LRMDA: variants seen among roughly 807,000 people sequenced by gnomAD.
LRMDA encodes the protein leucine rich melanocyte differentiation associated, also known as leucine-rich melanocyte differentiation-associated protein.
Under a neutral mutation model 29.8 loss-of-function variants are expected in LRMDA, and 18 were observed. The ratio of observed to expected loss-of-function variants is 0.60; its 90% CI spans 0.42 to 0.90. The LOEUF is 0.90. Among genes scored for constraint, LRMDA ranks in the 40% least tolerant of loss-of-function variants. The pLI, the probability that LRMDA is intolerant of heterozygous loss-of-function variation, is 0.00. For synonymous variants in LRMDA, 125 were observed against 109.4 expected (o/e 1.14, Z -0.89); for missense variants, 273 against 273.9 (o/e 1.00, Z 0.02).
At chr10:75,638,455 A>T (rs1209657877) in intron 2 of LRMDA, among the ~76,000 whole-genome samples, 4 of 152,334 alleles carry the variant, frequency 2.6e-5, no homozygotes, top group Non-Finnish European at 5.9e-5. Context: ...GGGGAAGAGG[A>T]TGTGACACTG....
chr10:76,156,932 G>A (rs966038128), intron 5 of LRMDA, among the ~76,000 whole-genome samples: 18 of 152,310 alleles, frequency 1.2e-4, no homozygotes, highest in African/African-American at 2.2e-4. Context: ...GGCAGAGAAC[G>A]TAATACATTT....
At chr10:76,075,143 G>A (rs967533104) in intron 5 of LRMDA, among the ~76,000 whole-genome samples, 2 of 152,224 alleles carry the variant, frequency 1.3e-5, no homozygotes, top group African/African-American at 4.8e-5. Flanking sequence ...CGGACATTGT[G>A]CACTGACCTG....
chr10:76,419,817 C>T (rs1394735123), intron 6 of LRMDA, among the ~76,000 whole-genome samples: 1 of 151,896 alleles, frequency 6.6e-6, no homozygotes, highest in Non-Finnish European at 1.5e-5. Context: ...TGTATATTTT[C>T]GATAACAGTC....
chr10:76,244,194 A>G (rs1852331163), intron 5 of LRMDA, among the ~76,000 whole-genome samples: 1 of 152,144 alleles, frequency 6.6e-6, no homozygotes, highest in African/African-American at 2.4e-5. Flanking sequence ...CTCATCTGTA[A>G]AAGTTGGGTT....
chr10:75,580,825 TC>T (rs1840579800), intron 2 of LRMDA, among the ~76,000 whole-genome samples: 1 of 152,222 alleles, frequency 6.6e-6, no homozygotes, highest in Non-Finnish European at 1.5e-5. Flanking sequence ...GGGAAAGGAT[TC>T]CCTATTTAAT....
intron 2 of LRMDA, among the ~76,000 whole-genome samples, chr10:75,580,147 T>C (rs948855869): frequency 1.2e-4 from 19 of 152,212 alleles, no homozygotes; most frequent in Non-Finnish European, 1.5e-5. Context: ...TGTTTGCAGA[T>C]GACATGATTG....
chr10:76,052,489 T>G (rs915277271), intron 4 of LRMDA, among the ~76,000 whole-genome samples: 12 of 152,126 alleles, frequency 7.9e-5, no homozygotes, highest in African/African-American at 2.4e-4. Context: ...GGAAAGAACA[T>G]CCTCCTCTCT....
chr10:75,858,846 A>G (rs536473531), intron 2 of LRMDA, among the ~76,000 whole-genome samples: 1 of 152,132 alleles, frequency 6.6e-6, no homozygotes, highest in Non-Finnish European at 1.5e-5. Flanking sequence ...TCTACCCCTA[A>G]TCTCTTCCCC....
intron 2 of LRMDA, among the ~76,000 whole-genome samples, chr10:75,704,470 T>A (rs1415311068): frequency 2.0e-5 from 3 of 152,186 alleles, no homozygotes; most frequent in Non-Finnish European, 1.5e-5. Context: ...ATCTTGGAAA[T>A]GGCATGCTTT....
chr10:76,405,061 G>A (rs760292479), intron 6 of LRMDA, among the ~76,000 whole-genome samples: 8 of 152,082 alleles, frequency 5.3e-5, no homozygotes, highest in Non-Finnish European at 8.8e-5. Context: ...TTATTAGCTC[G>A]GTGAGACCCT....
At chr10:76,447,004 G>T (rs1367060973) in intron 6 of LRMDA, among the ~76,000 whole-genome samples, 1 of 151,836 alleles carries the variant, frequency 6.6e-6, no homozygotes, top group Non-Finnish European at 1.5e-5. Context: ...CTAAATTCTG[G>T]AAATTGTGTT....
At chr10:75,666,468 A>G (rs1213785257) in intron 2 of LRMDA, among the ~76,000 whole-genome samples, 1 of 152,084 alleles carries the variant, frequency 6.6e-6, no homozygotes, top group Non-Finnish European at 1.5e-5. Flanking sequence ...GAATTGCAGT[A>G]TGTTTATATG....
At chr10:76,107,221 G>T (rs943256094) in intron 5 of LRMDA, among the ~76,000 whole-genome samples, 3 of 152,172 alleles carry the variant, frequency 2.0e-5, no homozygotes, top group African/African-American at 7.2e-5. Flanking sequence ...TGGAGCAGTG[G>T]TTCTAAAACT....
intron 2 of LRMDA, among the ~76,000 whole-genome samples, chr10:76,000,463 A>G (rs1354161458): frequency 6.6e-6 from 1 of 152,176 alleles, no homozygotes; most frequent in Non-Finnish European, 1.5e-5. Flanking sequence ...ATGATGGAGA[A>G]GTCCCCTGAA....
At chr10:76,253,366 A>G (rs1029592295) in intron 5 of LRMDA, among the ~76,000 whole-genome samples, 2 of 152,134 alleles carry the variant, frequency 1.3e-5, no homozygotes, top group Non-Finnish European at 2.9e-5. Flanking sequence ...TTGCAAAGCA[A>G]TATCATGGGG....
intron 2 of LRMDA, among the ~76,000 whole-genome samples, chr10:75,896,440 A>G (rs1845583657): frequency 6.6e-6 from 1 of 152,064 alleles, no homozygotes; most frequent in African/African-American, 2.4e-5. Flanking sequence ...TTTAATTGTG[A>G]TTTTCTCCTC....
chr10:75,722,659 G>A (rs545380752), intron 2 of LRMDA, among the ~76,000 whole-genome samples: 3 of 152,234 alleles, frequency 2.0e-5, no homozygotes, highest in South Asian at 4.2e-4. Flanking sequence ...AGTATATGGC[G>A]GATCTGTTTT....
chr10:75,765,406 A>C (rs1233669469), intron 2 of LRMDA, among the ~76,000 whole-genome samples: 1 of 152,154 alleles, frequency 6.6e-6, no homozygotes, highest in Non-Finnish European at 1.5e-5. Flanking sequence ...GTGTGGAACA[A>C]CTGATGGAAG....
intron 2 of LRMDA, among the ~76,000 whole-genome samples, chr10:75,872,857 A>G (rs933924925): frequency 6.6e-6 from 1 of 152,068 alleles, no homozygotes; most frequent in African/African-American, 2.4e-5. Context: ...ATTCTGCTTT[A>G]TGTAGCATAA....
Sources: allele counts gnomAD v4.1 joint callset (sites outside exome capture counted in the v4.1 genomes callset), GRCh38; gene constraint gnomAD v4.1.1; transcripts MANE v1.5; gene names NCBI Gene and HGNC (gene_info 2026-07-23, HGNC 2026-07-21).